Variants in ANKRD18A observed in about 807,000 individuals in gnomAD.
The protein encoded by ANKRD18A is ankyrin repeat domain 18A, also known as ankyrin repeat domain-containing protein 18A.
In ANKRD18A, 72 loss-of-function variants were observed where a neutral mutation model predicts 110.6. That is an observed-to-expected ratio of 0.65 (90% confidence interval 0.54 to 0.79). The LOEUF (loss-of-function observed/expected upper bound fraction) is 0.79. ANKRD18A is among the 30% of genes least tolerant of loss of function. The pLI is 0.00. For missense variants in ANKRD18A, 934 were observed against 1,163.3 expected, an observed-to-expected ratio of 0.80 and a Z score of 2.87; for synonymous variants, 305 against 410.3, an observed-to-expected ratio of 0.74 and a Z score of 3.10.
chr9:38,599,560 G>A (rs1825034329), intron 8 of ANKRD18A, among the ~76,000 whole-genome samples: 1 of 152,100 alleles, frequency 6.6e-6, no homozygotes, highest in South Asian at 2.1e-4. Flanking sequence ...TGCCTCTCAG[G>A]TTCAAGCAAT....
At chr9:38,602,535 GA>G (rs1825164847) in intron 7 of ANKRD18A, among the ~76,000 whole-genome samples, 1 of 152,228 alleles carries the variant, frequency 6.6e-6, no homozygotes, top group Non-Finnish European at 1.5e-5. Context: ...GAATTGGGCA[GA>G]AGCCAGTTTC....
rs1465786314 is a variant in ANKRD18A at position 38,571,901 on chromosome 9, T to C, written c.*144A>G. On this transcript the variant is annotated 3_prime_UTR_variant, in exon 16 of 16. Coordinates refer to ENST00000399703, the MANE Select transcript of ANKRD18A (RefSeq NM_147195.4). ...TGTTTTATATTATATGAGAAACAAT[T>C]AAAATTTCATGTAAATAGCCCAGTA... is the stretch of plus-strand genomic sequence containing the variant. 3 of 1,401,566 alleles carry C rather than the reference T, an allele frequency of 2.1e-6. No individual in the cohort carries two copies. The Admixed American group carries it at 9.4e-5, about 44-fold the overall frequency. 86.8% of individuals were successfully genotyped at this position (1,401,566 alleles called of 1,614,324 possible). A position where few individuals can be genotyped will look rare whatever the true frequency, so the allele number is the denominator to read the frequency against.
rs922358810 is a variant in ANKRD18A, at chr9:38,577,214, C to T, written c.2580G>A (p.Thr860=). 5.8e-6 allele frequency: 9 copies of T among 1,544,140 alleles called. No homozygotes were observed. The highest frequency in any genetic ancestry group is 2.3e-4 in the Middle Eastern group (1 of 4,406). The change falls in exon 14 of 16, where the codon ACG becomes ACA. Residue 860 remains threonine, a synonymous_variant. Transcript: ENST00000399703. ...TGAGTTCCTTCTTTTTTAGTGAAGC[C>T]GTATTATCCTTGTTTAACTGCTCTA... ...KQLEQLNKDN[T]ASLKKKELTL...
chr9:38,607,551 CCAAA>C (rs1265517882), intron 5 of ANKRD18A, 58 bp from the exon 6 acceptor site: 22 of 1,182,924 alleles, frequency 1.9e-5, no homozygotes, highest in East Asian at 6.2e-5. Flanking sequence ...AAAATATTTG[CCAAA>C]CAGATTAAAT....
At chr9:38,573,913 G>C (rs1462653126) in intron 15 of ANKRD18A, among the ~76,000 whole-genome samples, 2 of 149,196 alleles carry the variant, frequency 1.3e-5, no homozygotes, top group African/African-American at 4.9e-5. Flanking sequence ...TTTTTTTCTA[G>C]TTTGTATTCT....
At chr9:38,611,045 T>C (rs561582098) in intron 4 of ANKRD18A, among the ~76,000 whole-genome samples, 170 bp downstream of exon 4, 2 of 152,326 alleles carry the variant, frequency 1.3e-5, no homozygotes, top group African/African-American at 4.8e-5. Flanking sequence ...TTTTTTGTGT[T>C]GCTTAGTCCA....
At chr9:38,577,307 T>C (rs1350691140) in intron 13 of ANKRD18A, 43 bp from the exon 14 acceptor site, 51 of 1,497,052 alleles carry the variant, frequency 3.4e-5, no homozygotes, top group Non-Finnish European at 4.2e-5. Flanking sequence ...CAATTATAAG[T>C]TAATTACCAT....
In ANKRD18A at chr9:38,571,984, C is replaced by T. The variant is rs773015190; in HGVS notation, c.*61G>A. The stretch of plus-strand genomic sequence containing the variant: ...TTTTCCTTAAGATTTTATGGTTAAT[C>T]TCTTCATTAGATGTGGCTTACCAGT... On this transcript the variant is annotated 3_prime_UTR_variant, in exon 16 of 16. Transcript: ENST00000399703. 2.4e-4 allele frequency: 353 copies of T among 1,471,012 alleles called. No homozygotes were observed. The highest frequency in any genetic ancestry group is 2.8e-4 in the Non-Finnish European group (310 of 1,102,506). 91.1% of individuals were successfully genotyped at this position (1,471,012 alleles called of 1,614,324 possible).
chr9:38,614,792 C>A (rs1825785114), intron 3 of ANKRD18A, among the ~76,000 whole-genome samples: 2 of 152,196 alleles, frequency 1.3e-5, no homozygotes, highest in African/African-American at 4.8e-5. Context: ...CTCCCACCTT[C>A]TCATCAAGAT....
At chr9:38,575,723 C>T in intron 14 of ANKRD18A, 25 bp from the exon 15 acceptor site, 3 of 1,518,958 alleles carry the variant, frequency 2.0e-6, no homozygotes, top group East Asian at 2.5e-5. Context: ...AAGACAAATG[C>T]TTAGTATTTC....
At chr9:38,577,551 G>A (rs1297418460) in intron 13 of ANKRD18A, among the ~76,000 whole-genome samples, 2 of 152,036 alleles carry the variant, frequency 1.3e-5, no homozygotes, top group African/African-American at 2.4e-5. Flanking sequence ...AATGAACAAC[G>A]TAGCTTAAGA....
chr9:38,584,356 A>C (rs1413669611), intron 12 of ANKRD18A, among the ~76,000 whole-genome samples: 1 of 152,198 alleles, frequency 6.6e-6, no homozygotes, highest in African/African-American at 2.4e-5. Context: ...TTATATGCAA[A>C]TCTATACAAA....
intron 12 of ANKRD18A, among the ~76,000 whole-genome samples, chr9:38,581,209 T>A (rs1450513304): frequency 1.3e-5 from 2 of 152,218 alleles, no homozygotes; most frequent in Non-Finnish European, 2.9e-5. Flanking sequence ...GAAAAGAGTC[T>A]CCTTTAAAGT....
At chr9:38,613,969 G>T (rs114853714) in intron 3 of ANKRD18A, among the ~76,000 whole-genome samples, 2,033 of 152,216 alleles carry the variant, frequency 0.013, 33 homozygotes, top group African/African-American at 0.045. Context: ...ATTCATGGTG[G>T]GAAGCAAAAA....
chr9:38,575,174 C>T (rs1481884779), intron 15 of ANKRD18A, among the ~76,000 whole-genome samples: 1 of 151,892 alleles, frequency 6.6e-6, no homozygotes, highest in African/African-American at 2.4e-5. Context: ...AGTATACCAT[C>T]AGTTATTAGG....
At chr9:38,596,838 A>T (rs1275820276) in intron 8 of ANKRD18A, among the ~76,000 whole-genome samples, 2 of 152,060 alleles carry the variant, frequency 1.3e-5, no homozygotes, top group Non-Finnish European at 2.9e-5. Flanking sequence ...AATCTCTCAA[A>T]GTTTTAAAAG....
Position 38,593,694 on chromosome 9 carries a change from C to T in ANKRD18A, c.2004+66G>A, listed in dbSNP as rs559146741. ...CAAGCTGTCCACTGAAATTAGTATCCTAAGACACTTTATATTATTCAACCA... is the reference window on the plus strand; with the variant it reads ...CAAGCTGTCCACTGAAATTAGTATCTTAAGACACTTTATATTATTCAACCA... On this transcript the variant is annotated intron_variant, in intron 10 of 15. Transcript: ENST00000399703. 16 of 1,352,138 alleles carry T rather than the reference C, an allele frequency of 1.2e-5. No homozygotes were observed. In the East Asian group the frequency reaches 1.9e-4, roughly 16 times the overall value. 83.8% of individuals were successfully genotyped at this position (1,352,138 alleles called of 1,614,324 possible).
At chr9:38,614,375 T>C (rs894705549) in intron 3 of ANKRD18A, among the ~76,000 whole-genome samples, 1 of 152,042 alleles carries the variant, frequency 6.6e-6, no homozygotes, top group Non-Finnish European at 1.5e-5. Flanking sequence ...CTTAAACTCC[T>C]AGGCTCAAGC....
rs1448481952 is a variant in ANKRD18A at position 38,578,077 on chromosome 9, A to G, written c.2319T>C (p.Val773=). 2 of 1,550,692 alleles carry G rather than the reference A, an allele frequency of 1.3e-6. No individual in the cohort carries two copies. Among genetic ancestry groups the G allele is most frequent in the South Asian group, 1.2e-5 (1 of 83,742 alleles). The change falls in exon 13 of 16, where the codon GTT becomes GTC. Residue 773 remains valine (V), a synonymous_variant. Coordinates refer to ENST00000399703, the MANE Select transcript of ANKRD18A (RefSeq NM_147195.4). The part of the protein sequence containing the change: ...ECVNLAKDNE[V]LHQELLSMRN... ...TCATAGATAATAACTCCTGATGAAGAACTTCATTGTCTTTGGCCAAATTGA... is the reference window on the plus strand; with the variant it reads ...TCATAGATAATAACTCCTGATGAAGGACTTCATTGTCTTTGGCCAAATTGA...
Sources: allele counts gnomAD v4.1 joint callset (sites outside exome capture counted in the v4.1 genomes callset), GRCh38; gene constraint gnomAD v4.1.1; transcripts MANE v1.5; gene names NCBI Gene and HGNC (gene_info 2026-07-23, HGNC 2026-07-21).